The following MSH4 variants were observed in gnomAD, a reference collection of about 807,000 sequenced individuals.
MSH4 encodes mutS homolog 4, also known as mutS protein homolog 4.
Under a neutral mutation model 113.7 loss-of-function variants are expected in MSH4, and 106 were observed. The observed-to-expected ratio is 0.93, with a 90% CI of 0.80 to 1.10. MSH4 has a LOEUF of 1.10. Ranked by LOEUF, MSH4 falls within the 50% of genes least tolerant of loss-of-function variation. The pLI is 0.00. For missense variants in MSH4, 1,061 were observed against 1,093.7 expected (o/e 0.97, Z 0.42); for synonymous variants, 368 against 380.2 (o/e 0.97, Z 0.37).
In MSH4 at chr1:75,843,429, A is replaced by T. The variant is rs534214843; in HGVS notation, c.1163-4780A>T. The stretch of plus-strand genomic sequence containing the variant: ...TAAGGGGATTCTCTATAGAATGTGA[A>T]TTATTCCCACAAGAGACTTTGCAGG... On this transcript the variant is annotated intron_variant, in intron 7 of 19. Coordinates refer to ENST00000263187, the MANE Select transcript of MSH4 (RefSeq NM_002440.4). Among the ~76,000 whole-genome samples the T allele has an allele frequency of 2.0e-5, 3 of 152,344 alleles. No individual in the cohort carries two copies. The South Asian group carries it at 6.2e-4, about 32-fold the overall frequency.
At chr1:75,806,391 G>T (rs541751192) in intron 2 of MSH4, among the ~76,000 whole-genome samples, 3 of 151,674 alleles carry the variant, frequency 2.0e-5, no homozygotes, top group Non-Finnish European at 4.4e-5. Context: ...GGGACCACAG[G>T]CACCTGCCAC....
rs779322720 is a variant in MSH4, at chr1:75,848,199, T to C, written c.1163-10T>C. 6.3e-7 allele frequency: 1 copy of C among 1,581,024 alleles called. No individual in the cohort carries two copies. Among genetic ancestry groups the C allele is most frequent in the Non-Finnish European group, 8.7e-7 (1 of 1,155,968 alleles). On this transcript the variant is annotated splice_polypyrimidine_tract_variant and intron_variant, in intron 7 of 19. Transcript: ENST00000263187. ...AAGTTTAAATACTCACATTTGTTTG[T>C]TTGTTTCAGTTATATCAAGATTTCT...
intron 19 of MSH4, among the ~76,000 whole-genome samples, chr1:75,906,932 C>T (rs755472134): frequency 3.3e-5 from 5 of 150,938 alleles, no homozygotes; most frequent in Non-Finnish European, 5.9e-5. Flanking sequence ...CTCCTGGGTT[C>T]GCACCATTCT....
rs566355045 is a variant in MSH4 at position 75,882,440 on chromosome 1, A to G, written c.1906+1070A>G. Among the ~76,000 whole-genome samples the G allele has an allele frequency of 2.6e-5, 4 of 152,068 alleles. No homozygotes were observed. In the South Asian group the frequency reaches 8.3e-4, roughly 32 times the overall value. ...ACCCTCTTCCTCCTCCCCCCACTTC[A>G]GGTGGTATCCATAGAGACCTGATCC... On this transcript the variant is annotated intron_variant, in intron 14 of 19. Transcript: ENST00000263187.
intron 15 of MSH4, among the ~76,000 whole-genome samples, chr1:75,885,241 A>G (rs890216124): frequency 5.6e-5 from 8 of 142,380 alleles, no homozygotes; most frequent in Non-Finnish European, 1.2e-4. Flanking sequence ...AAATATATAT[A>G]TTATATACAT....
chr1:75,859,467 G>A (rs1651402454), intron 8 of MSH4, among the ~76,000 whole-genome samples: 1 of 152,114 alleles, frequency 6.6e-6, no homozygotes, highest in African/African-American at 2.4e-5. Flanking sequence ...TTGTGTCTTT[G>A]TTCTCACTGG....
chr1:75,864,830 A>G (rs557257117), intron 8 of MSH4, among the ~76,000 whole-genome samples: 1 of 152,280 alleles, frequency 6.6e-6, no homozygotes, highest in East Asian at 1.9e-4. Flanking sequence ...TGCTACCCAC[A>G]TTGCCTTGGT....
At chr1:75,811,292 T>C (rs1008149811) in intron 4 of MSH4, among the ~76,000 whole-genome samples, 3 of 152,236 alleles carry the variant, frequency 2.0e-5, no homozygotes, top group Non-Finnish European at 2.9e-5. Context: ...TCTAAGGGAC[T>C]GTTAATACAG....
chr1:75,842,602 T>C (rs528102803), intron 7 of MSH4, among the ~76,000 whole-genome samples: 7 of 152,226 alleles, frequency 4.6e-5, no homozygotes, highest in African/African-American at 1.7e-4. Flanking sequence ...AACCAGGCCA[T>C]ACAGAGATAG....
intron 14 of MSH4, 89 bp from the exon 15 acceptor site, chr1:75,883,532 C>T (rs1016848403): frequency 2.8e-5 from 29 of 1,023,096 alleles, no homozygotes; most frequent in Non-Finnish European, 3.8e-5. Context: ...GTGTGAAAAT[C>T]ACTAAGATAT....
At chr1:75,890,659 G>T (rs2100582814) in intron 16 of MSH4, 37 bp from the exon 17 acceptor site, 2 of 1,144,524 alleles carry the variant, frequency 1.7e-6, no homozygotes, top group African/African-American at 1.6e-5. Flanking sequence ...ACAGCTGTTT[G>T]GTTACAATGA....
At chr1:75,885,293 G>A (rs1362582582) in intron 15 of MSH4, among the ~76,000 whole-genome samples, 10 of 116,474 alleles carry the variant, frequency 8.6e-5, no homozygotes, top group East Asian at 5.0e-4. Flanking sequence ...TATATACTAC[G>A]TAGTATATAT....
intron 1 of MSH4, among the ~76,000 whole-genome samples, chr1:75,801,997 C>T (rs900186550): frequency 5.3e-5 from 8 of 151,870 alleles, no homozygotes; most frequent in Admixed American, 1.3e-4. Flanking sequence ...GGCAAAACCC[C>T]ATCTCTACAA....
chr1:75,905,864 C>T (rs1161652902), intron 19 of MSH4, among the ~76,000 whole-genome samples: 1 of 152,122 alleles, frequency 6.6e-6, no homozygotes, highest in Non-Finnish European at 1.5e-5. Context: ...ATAAACATAG[C>T]TACTCCTGCT....
At chr1:75,862,070 TC>T (rs1204134651) in intron 8 of MSH4, among the ~76,000 whole-genome samples, 1 of 152,138 alleles carries the variant, frequency 6.6e-6, no homozygotes, top group Non-Finnish European at 1.5e-5. Flanking sequence ...GGAGGAGGTC[TC>T]TGTGGGCGTG....
intron 9 of MSH4, among the ~76,000 whole-genome samples, chr1:75,872,539 G>A (rs560682105): frequency 2.8e-4 from 43 of 152,278 alleles, no homozygotes; most frequent in Middle Eastern, 3.4e-3. Flanking sequence ...CGGATAAACT[G>A]TTGCAGTTCT....
At position 75,830,256 on chromosome 1, in the gene MSH4, C is replaced by A. The variant is rs116228400; in HGVS notation, c.1162+7675C>A. Reference sequence around the variant, plus strand: ...TTTAGAGAAAAAAGGGTAAAAAAAACCGAACAAAGCCTACAAGAAATGTGG... The same window carrying A: ...TTTAGAGAAAAAAGGGTAAAAAAAAACGAACAAAGCCTACAAGAAATGTGG... On this transcript the variant is annotated intron_variant, in intron 7 of 19. Transcript: ENST00000263187. Among the ~76,000 whole-genome samples the A allele has an allele frequency of 7.9e-3, 1,202 of 152,018 alleles. 10 individuals carry two copies. The highest frequency in any genetic ancestry group is 0.027 in the African/African-American group (1,103 of 41,470).
At chr1:75,902,726 T>C (rs1226814865) in intron 19 of MSH4, among the ~76,000 whole-genome samples, 2 of 51,656 alleles carry the variant, frequency 3.9e-5, no homozygotes, top group Non-Finnish European at 7.9e-5. Context: ...TATATATATA[T>C]ATATATATAG....
chr1:75,805,492 A>T (rs553369612), intron 2 of MSH4, among the ~76,000 whole-genome samples: 1 of 148,394 alleles, frequency 6.7e-6, no homozygotes, highest in East Asian at 2.0e-4. Context: ...GGTTCAAGTG[A>T]TTCTCCTGCC....
Sources: allele counts gnomAD v4.1 joint callset (sites outside exome capture counted in the v4.1 genomes callset), GRCh38; gene constraint gnomAD v4.1.1; transcripts MANE v1.5; gene names NCBI Gene and HGNC (gene_info 2026-07-23, HGNC 2026-07-21).